PGGT1B: variants seen among roughly 807,000 people sequenced by gnomAD.
PGGT1B encodes protein geranylgeranyltransferase type I subunit beta, also known as geranylgeranyl transferase type-1 subunit beta.
A neutral mutation model predicts 46.1 loss-of-function variants in PGGT1B; 30 were observed. The observed-to-expected ratio is 0.65, with a 90% CI of 0.49 to 0.88. PGGT1B has a LOEUF of 0.88. Ranked by LOEUF, PGGT1B falls within the 40% of genes least tolerant of loss-of-function variation. PGGT1B has a pLI of 0.00. For missense variants in PGGT1B, 376 were observed against 455.9 expected (o/e 0.82, Z 1.60); for synonymous variants, 170 against 160.0 (o/e 1.06, Z -0.47).
At chr5:115,255,699 G>T (rs763707404) in intron 1 of PGGT1B, among the ~76,000 whole-genome samples, 1 of 151,956 alleles carries the variant, frequency 6.6e-6, no homozygotes, top group Non-Finnish European at 1.5e-5. Flanking sequence ...TATGCAAAAG[G>T]CTATAAAAAC....
At chr5:115,233,523 T>A (rs1757062140) in intron 5 of PGGT1B, among the ~76,000 whole-genome samples, 1 of 139,316 alleles carries the variant, frequency 7.2e-6, no homozygotes, top group African/African-American at 2.6e-5. Flanking sequence ...AAAATGGAAT[T>A]CCTAAAAAGA....
chr5:115,215,559 A>G (rs1349384652), intron 8 of PGGT1B, among the ~76,000 whole-genome samples: 2 of 152,020 alleles, frequency 1.3e-5, no homozygotes, highest in African/African-American at 4.8e-5. Context: ...CAGCCTCCCA[A>G]ACTGTTGGGA....
rs535823829 is a variant in PGGT1B, at chr5:115,249,583, C to A, written c.259+3554G>T. Among the ~76,000 whole-genome samples, 5 of 150,776 alleles carry A rather than the reference C, an allele frequency of 3.3e-5. No individual in the cohort carries two copies. The South Asian group carries it at 1.0e-3, about 32-fold the overall frequency. On this transcript the variant is annotated intron_variant, in intron 2 of 8. Transcript: ENST00000419445. ...AATGAGTCAGGGTGGAGCAGGTAAT[C>A]GGAATGAGTCAGGGAGGAGCAGGTA...
At chr5:115,220,877 A>G (rs2126994069) in intron 7 of PGGT1B, among the ~76,000 whole-genome samples, 2 of 152,110 alleles carry the variant, frequency 1.3e-5, no homozygotes, top group East Asian at 1.9e-4. Flanking sequence ...AAAATAATTC[A>G]GTGAATTGAA....
chr5:115,229,381 T>C lies in PGGT1B; in HGVS notation c.658+1595A>G, dbSNP rs185777273. Among the ~76,000 whole-genome samples, 28 of 152,232 alleles carry C rather than the reference T, an allele frequency of 1.8e-4. 1 individual carries two copies. Among genetic ancestry groups the C allele is most frequent in the Admixed American group, 1.6e-3 (24 of 15,268 alleles). On this transcript the variant is annotated intron_variant, in intron 6 of 8. Transcript: ENST00000419445. ...ATTAAAAGGCCTTCCTCTAGGGCTT[T>C]AGGCCTCAAACCTACCAAGCCAAAT...
intron 4 of PGGT1B, among the ~76,000 whole-genome samples, chr5:115,237,388 T>C (rs1399090278): frequency 6.6e-6 from 1 of 152,154 alleles, no homozygotes; most frequent in Non-Finnish European, 1.5e-5. Context: ...ACTATGTGAA[T>C]CACCAAATAT....
rs1040064505 is a variant in PGGT1B at position 115,221,674 on chromosome 5, C to T, written c.843+150G>A. The stretch of plus-strand genomic sequence containing the variant: ...AGATCACTGATTTCTATGGAAAAAC[C>T]ATACAGAGACTAGCTTTGGCAGAGC... On this transcript the variant is annotated intron_variant, in intron 7 of 8. Transcript: ENST00000419445. 3.0e-4 allele frequency: 138 copies of T among 455,360 alleles called. No individual in the cohort carries two copies. The East Asian group carries it at 4.9e-3, about 16-fold the overall frequency. 28.2% of individuals were successfully genotyped at this position (455,360 alleles called of 1,614,324 possible).
intron 6 of PGGT1B, among the ~76,000 whole-genome samples, chr5:115,230,331 G>C (rs193149037): frequency 2.6e-5 from 4 of 152,240 alleles, no homozygotes; most frequent in African/African-American, 4.8e-5. Flanking sequence ...CACTCAGAGA[G>C]TCTCCATGAC....
Position 115,221,097 on chromosome 5 carries a change from T to A in PGGT1B, c.843+727A>T, listed in dbSNP as rs139443796. On this transcript the variant is annotated intron_variant, in intron 7 of 8. Transcript: ENST00000419445. ...CTACTGTCATCATTTTAAACCATTC[T>A]TTTCCAAATTTTTTTCAACCTTATA... 3.9e-5 allele frequency among the ~76,000 whole-genome samples: 6 copies of A among 152,096 alleles called. No homozygotes were observed. In the East Asian group the frequency reaches 1.2e-3, roughly 29 times the overall value.
chr5:115,259,579 C>T (rs1015837909), intron 1 of PGGT1B, among the ~76,000 whole-genome samples: 3 of 148,888 alleles, frequency 2.0e-5, no homozygotes, highest in Non-Finnish European at 4.4e-5. Flanking sequence ...GTCCCAGCTA[C>T]TTGAGAGGCT....
At chr5:115,258,448 C>T (rs554071243) in intron 1 of PGGT1B, among the ~76,000 whole-genome samples, 7 of 152,230 alleles carry the variant, frequency 4.6e-5, no homozygotes, top group Non-Finnish European at 8.8e-5. Flanking sequence ...CTGTCACTTA[C>T]ATGATATCCA....
At chr5:115,220,036 T>C (rs1169721524) in intron 7 of PGGT1B, among the ~76,000 whole-genome samples, 2 of 151,742 alleles carry the variant, frequency 1.3e-5, no homozygotes, top group East Asian at 1.9e-4. Context: ...AAGTTTGGCA[T>C]TTCCTCAAAA....
At chr5:115,220,381 A>G (rs1286343702) in intron 7 of PGGT1B, among the ~76,000 whole-genome samples, 1 of 151,860 alleles carries the variant, frequency 6.6e-6, no homozygotes, top group African/African-American at 2.4e-5. Context: ...TTTCACCTAT[A>G]TGAGGTACCT....
intron 2 of PGGT1B, chr5:115,252,872 A>G: frequency 3.0e-6 from 1 of 335,636 alleles, no homozygotes; most frequent in Non-Finnish European, 5.4e-6. Context: ...ACAAGTAGTC[A>G]TCAAAGTGGA....
chr5:115,209,389 GT>G lies in PGGT1B; in HGVS notation c.*3012del, dbSNP rs1240087963. On this transcript the variant is annotated 3_prime_UTR_variant, in exon 9 of 9. Transcript: ENST00000419445. The stretch of plus-strand genomic sequence containing the variant: ...AATGAGATTCTGTAGTCACTTCCCA[GT>G]TTCAGTGTCTGTTCTTAGATTGGCC... The G allele has an allele frequency of 6.6e-6, 1 of 152,084 alleles. No homozygotes were observed. Among genetic ancestry groups the G allele is most frequent in the Non-Finnish European group, 1.5e-5 (1 of 68,020 alleles). 9.4% of individuals were successfully genotyped at this position (152,084 alleles called of 1,614,324 possible). A position where few individuals can be genotyped will look rare whatever the true frequency, so the allele number is the denominator to read the frequency against.
rs998030719 is a variant in PGGT1B, at chr5:115,207,948, A to G, written c.*4454T>C. The G allele has an allele frequency of 2.0e-5, 3 of 152,116 alleles. No homozygotes were observed. Among genetic ancestry groups the G allele is most frequent in the Non-Finnish European group, 4.4e-5 (3 of 67,974 alleles). 9.4% of individuals were successfully genotyped at this position (152,116 alleles called of 1,614,324 possible). A position where few individuals can be genotyped will look rare whatever the true frequency, so the allele number is the denominator to read the frequency against. On this transcript the variant is annotated 3_prime_UTR_variant, in exon 9 of 9. Transcript: ENST00000419445. ...TCAATTTCTACTTAGTATAGTTAAC[A>G]TAAGTGAGTGCTCAATTCTATCATG...
At chr5:115,215,481 T>G (rs1756387667) in intron 8 of PGGT1B, among the ~76,000 whole-genome samples, 1 of 151,958 alleles carries the variant, frequency 6.6e-6, no homozygotes, top group Non-Finnish European at 1.5e-5. Flanking sequence ...GTATTTTTAG[T>G]AGAGGCAATG....
intron 1 of PGGT1B, among the ~76,000 whole-genome samples, chr5:115,261,183 C>T (rs997076960): frequency 2.6e-5 from 4 of 152,148 alleles, no homozygotes; most frequent in African/African-American, 9.7e-5. Context: ...CATTTTAAAA[C>T]ATCTCATATC....
Position 115,204,398 on chromosome 5 carries a change from G to C in PGGT1B, c.*8004C>G, listed in dbSNP as rs1756002934. On this transcript the variant is annotated 3_prime_UTR_variant, in exon 9 of 9. Coordinates refer to ENST00000419445, the MANE Select transcript of PGGT1B (RefSeq NM_005023.4). ...TGTAGACAACATTTGGAAAACTAGT[G>C]CTCTAAGTCCTGCTTTAGTGGAGAG... 6.6e-6 allele frequency: 1 copy of C among 152,088 alleles called. No homozygotes were observed. The highest frequency in any genetic ancestry group is 2.4e-5 in the African/African-American group (1 of 41,414). The allele number at this position is 152,088 out of a possible 1,614,324, so 9.4% of individuals were successfully genotyped here.
Sources: gnomAD v4.1 joint callset for allele counts (sites outside exome capture counted in the v4.1 genomes callset) on GRCh38, gnomAD v4.1.1 for gene constraint, MANE v1.5 for transcripts, NCBI Gene and HGNC (gene_info 2026-07-23, HGNC 2026-07-21) for gene names.